Variants in VDR observed in about 807,000 individuals in gnomAD.
The protein encoded by VDR is vitamin D3 receptor.
In VDR, 19 loss-of-function variants were observed where a neutral mutation model predicts 39.7. The ratio of observed to expected loss-of-function variants is 0.48; its 90% CI spans 0.33 to 0.70. The LOEUF is 0.70. Among genes scored for constraint, VDR ranks in the 30% least tolerant of loss-of-function variants. VDR has a pLI of 0.02. For synonymous variants in VDR, 242 were observed against 215.8 expected (o/e 1.12, Z -1.07); for missense variants, 442 against 570.5 (o/e 0.77, Z 2.29).
At chr12:47,891,431 C>G (rs557071298) in intron 1 of VDR, among the ~76,000 whole-genome samples, 1 of 152,160 alleles carries the variant, frequency 6.6e-6, no homozygotes, top group Non-Finnish European at 1.5e-5. Context: ...ACTTCAGGCC[C>G]GAGAGAGGTG....
At chr12:47,846,102 TC>T (rs1217926587) in intron 9 of VDR, among the ~76,000 whole-genome samples, 1 of 151,768 alleles carries the variant, frequency 6.6e-6, no homozygotes, top group Non-Finnish European at 1.5e-5. Flanking sequence ...TTCCTCAGAA[TC>T]CCCCCTACGA....
chr12:47,884,814 GGGAT>G (rs1946223367), intron 1 of VDR, among the ~76,000 whole-genome samples: 1 of 152,092 alleles, frequency 6.6e-6, no homozygotes, highest in African/African-American at 2.4e-5. Flanking sequence ...CCCAGGCCAA[GGGAT>G]GGCAGGCCTC....
At chr12:47,875,735 G>T (rs1253598598) in intron 3 of VDR, among the ~76,000 whole-genome samples, 1 of 152,230 alleles carries the variant, frequency 6.6e-6, no homozygotes, top group Non-Finnish European at 1.5e-5. Flanking sequence ...AGGAAACACA[G>T]GGTGAGGTTT....
At chr12:47,850,146 C>A (rs1945357333) in intron 7 of VDR, among the ~76,000 whole-genome samples, 1 of 152,218 alleles carries the variant, frequency 6.6e-6, no homozygotes, top group African/African-American at 2.4e-5. Context: ...GCCACCGTGC[C>A]TGGCACCTTC....
chr12:47,864,988 C>T (rs1945698320), intron 4 of VDR, 59 bp downstream of exon 4: 12 of 1,607,490 alleles, frequency 7.5e-6, no homozygotes, highest in Non-Finnish European at 1.0e-5. Context: ...GGAGAGTGGC[C>T]AAGGCCTTTC....
chr12:47,875,606 T>C (rs1182316300), intron 3 of VDR, among the ~76,000 whole-genome samples: 2 of 152,184 alleles, frequency 1.3e-5, no homozygotes, highest in Non-Finnish European at 2.9e-5. Flanking sequence ...GAAGCAGGCA[T>C]CAGGGGTGGA....
intron 1 of VDR, among the ~76,000 whole-genome samples, chr12:47,891,760 C>T (rs893431009): frequency 6.6e-6 from 1 of 152,188 alleles, no homozygotes; most frequent in Non-Finnish European, 1.5e-5. Flanking sequence ...CCAGTGTCAC[C>T]TCCATCCCCC....
In VDR at chr12:47,844,284, G is replaced by A; in HGVS notation, c.*462C>T. ...GAAGGGGGTGGGGTGGGAGCTGTGGGCCGATTATTTATCGTGAGTAGGCAG... is the reference window on the plus strand; with the variant it reads ...GAAGGGGGTGGGGTGGGAGCTGTGGACCGATTATTTATCGTGAGTAGGCAG... On this transcript the variant is annotated 3_prime_UTR_variant, in exon 10 of 10. Coordinates refer to ENST00000549336, the MANE Select transcript of VDR (RefSeq NM_000376.3). 1 of 249,512 alleles carries A rather than the reference G, an allele frequency of 4.0e-6. No homozygotes were observed. The highest frequency in any genetic ancestry group is 7.9e-6 in the Non-Finnish European group (1 of 126,450). 15.5% of individuals were successfully genotyped at this position (249,512 alleles called of 1,614,324 possible). A position where few individuals can be genotyped will look rare whatever the true frequency, so the allele number is the denominator to read the frequency against.
intron 7 of VDR, among the ~76,000 whole-genome samples, chr12:47,849,866 T>G (rs576014302): frequency 1.3e-5 from 2 of 152,316 alleles, no homozygotes; most frequent in South Asian, 2.1e-4. Flanking sequence ...TTTAATTTTT[T>G]TTTTGAGACA....
At chr12:47,848,016 C>T (rs1008579563) in intron 7 of VDR, among the ~76,000 whole-genome samples, 5 of 152,202 alleles carry the variant, frequency 3.3e-5, no homozygotes, top group African/African-American at 7.2e-5. Context: ...TCTCCTGCCT[C>T]AGCCTCCCGA....
At chr12:47,871,306 C>CTT (rs1213291758) in intron 3 of VDR, among the ~76,000 whole-genome samples, 7 of 127,412 alleles carry the variant, frequency 5.5e-5, no homozygotes, top group Non-Finnish European at 1.2e-4. Context: ...TTCTTTCTTT[C>CTT]TTTCTTTCTT....
intron 7 of VDR, among the ~76,000 whole-genome samples, chr12:47,854,494 C>T (rs11574100): frequency 0.013 from 2,007 of 152,320 alleles, 38 homozygotes; most frequent in African/African-American, 0.043. Context: ...ACCTATCTCT[C>T]TCCAGGATTC....
chr12:47,860,054 C>T (rs112188253), intron 4 of VDR, among the ~76,000 whole-genome samples: 1 of 151,784 alleles, frequency 6.6e-6, no homozygotes, highest in South Asian at 2.1e-4. Context: ...CCTCCACCTC[C>T]CGGGTTCTAA....
At chr12:47,899,432 AC>A (rs1228008860) in intron 1 of VDR, among the ~76,000 whole-genome samples, 18 of 152,202 alleles carry the variant, frequency 1.2e-4, no homozygotes, top group Admixed American at 1.2e-3. Flanking sequence ...CTATTACTAT[AC>A]CCAGTTTACA....
At chr12:47,846,604 G>A in intron 8 of VDR, 53 bp downstream of exon 8, 2 of 1,610,796 alleles carry the variant, frequency 1.2e-6, no homozygotes, top group South Asian at 2.2e-5. Flanking sequence ...GACGGGTGGA[G>A]CCAGAATCTG....
At chr12:47,847,319 C>T (rs912331848) in intron 7 of VDR, among the ~76,000 whole-genome samples, 2 of 151,984 alleles carry the variant, frequency 1.3e-5, no homozygotes, top group South Asian at 2.1e-4. Flanking sequence ...AGCGTCTTTT[C>T]CAATAGCCTC....
At chr12:47,894,474 G>C (rs145818833) in intron 1 of VDR, among the ~76,000 whole-genome samples, 1 of 152,316 alleles carries the variant, frequency 6.6e-6, no homozygotes, top group East Asian at 1.9e-4. Context: ...TTGCTGCCAG[G>C]TGGGCTGCAG....
rs1945185359 is a variant in VDR at position 47,842,263 on chromosome 12, C to T, written c.*2483G>A. The T allele has an allele frequency of 6.6e-6, 1 of 152,402 alleles. No homozygotes were observed. Among genetic ancestry groups the T allele is most frequent in the Non-Finnish European group, 1.5e-5 (1 of 68,078 alleles). 9.4% of individuals were successfully genotyped at this position (152,402 alleles called of 1,614,324 possible). A position where few individuals can be genotyped will look rare whatever the true frequency, so the allele number is the denominator to read the frequency against. ...TCACATTGAGGCAGAGGTGAGTCTC[C>T]TTCCTTCTCCTTCTGATGGGTTGGT... On this transcript the variant is annotated 3_prime_UTR_variant, in exon 10 of 10. Transcript: ENST00000549336.
At chr12:47,865,713 T>C (rs1458653626) in intron 3 of VDR, among the ~76,000 whole-genome samples, 1 of 96,214 alleles carries the variant, frequency 1.0e-5, no homozygotes, top group Non-Finnish European at 2.1e-5. Flanking sequence ...GCACTCCGAC[T>C]CTTTTTTTTT....
Sources: allele counts gnomAD v4.1 joint callset (sites outside exome capture counted in the v4.1 genomes callset), GRCh38; gene constraint gnomAD v4.1.1; transcripts MANE v1.5; gene names NCBI Gene and HGNC (gene_info 2026-07-23, HGNC 2026-07-21).